Variants in CNTN4 observed in about 807,000 individuals in gnomAD.
CNTN4 encodes the protein contactin 4.
Under a neutral mutation model 122.5 loss-of-function variants are expected in CNTN4, and 77 were observed. The ratio of observed to expected loss-of-function variants is 0.63; its 90% CI spans 0.52 to 0.76. The LOEUF is 0.76. Ranked by LOEUF, CNTN4 falls within the 30% of genes least tolerant of loss-of-function variation. CNTN4 has a pLI of 0.00. For synonymous variants in CNTN4, 512 were observed against 447.0 expected, an observed-to-expected ratio of 1.15 and a Z score of -1.83; for missense variants, 1,256 against 1,259.1, an observed-to-expected ratio of 1.00 and a Z score of 0.04.
intron 3 of CNTN4, among the ~76,000 whole-genome samples, chr3:2,525,463 G>A (rs2077368323): frequency 6.6e-6 from 1 of 152,082 alleles, no homozygotes. Flanking sequence ...ATATATATCT[G>A]TGAAAGGCAT....
intron 3 of CNTN4, among the ~76,000 whole-genome samples, chr3:2,353,465 C>T (rs138033788): frequency 1.3e-3 from 203 of 152,158 alleles, no homozygotes; most frequent in African/African-American, 4.5e-3. Flanking sequence ...TAAATCTTGC[C>T]GCTGCTCACT....
chr3:2,103,726 ATT>A (rs750488616), intron 2 of CNTN4, among the ~76,000 whole-genome samples: 1 of 148,858 alleles, frequency 6.7e-6, no homozygotes, highest in East Asian at 1.9e-4. Context: ...TTATTTATCT[ATT>A]TATTTATCTT....
At chr3:2,558,054 A>G (rs1379989659) in intron 3 of CNTN4, among the ~76,000 whole-genome samples, 3 of 152,184 alleles carry the variant, frequency 2.0e-5, no homozygotes, top group African/African-American at 7.2e-5. Context: ...TGATGTAAAA[A>G]CAAAAAGATA....
At chr3:2,405,418 A>T (rs1287759735) in intron 3 of CNTN4, among the ~76,000 whole-genome samples, 1 of 152,160 alleles carries the variant, frequency 6.6e-6, no homozygotes, top group African/African-American at 2.4e-5. Context: ...CTTTGGCACT[A>T]AAAAGTTAGA....
intron 3 of CNTN4, among the ~76,000 whole-genome samples, chr3:2,551,556 G>C (rs2078506628): frequency 6.6e-6 from 1 of 151,982 alleles, no homozygotes; most frequent in South Asian, 2.1e-4. Flanking sequence ...TTAATACTTT[G>C]TAATGATCAT....
chr3:3,005,741 A>AG (rs35683284), intron 14 of CNTN4, among the ~76,000 whole-genome samples: 122,192 of 151,382 alleles, frequency 0.81, 49,524 homozygotes, highest in Middle Eastern at 0.88. Context: ...TCCATTCATG[A>AG]GGGATCTACC....
intron 4 of CNTN4, among the ~76,000 whole-genome samples, chr3:2,678,000 T>C (rs2084964110): frequency 6.6e-6 from 1 of 152,132 alleles, no homozygotes; most frequent in South Asian, 2.1e-4. Flanking sequence ...TGCGGACCAA[T>C]GTGTTTTCCT....
At chr3:2,753,120 C>T (rs1488076099) in intron 6 of CNTN4, among the ~76,000 whole-genome samples, 1 of 152,028 alleles carries the variant, frequency 6.6e-6, no homozygotes, top group East Asian at 1.9e-4. Flanking sequence ...GATTTCCTTT[C>T]TTTTGAATAT....
At chr3:2,677,897 C>T (rs906287577) in intron 4 of CNTN4, among the ~76,000 whole-genome samples, 1 of 152,074 alleles carries the variant, frequency 6.6e-6, no homozygotes, top group Non-Finnish European at 1.5e-5. Flanking sequence ...GTATTTTACA[C>T]TACGGAAATG....
chr3:2,451,801 TTTAAA>T (rs1473620942), intron 3 of CNTN4, among the ~76,000 whole-genome samples: 1 of 152,162 alleles, frequency 6.6e-6, no homozygotes, highest in African/African-American at 2.4e-5. Flanking sequence ...CAGTAAATCC[TTTAAA>T]TTAATAGAAA....
chr3:2,776,875 G>A (rs2091342324), intron 6 of CNTN4, among the ~76,000 whole-genome samples: 1 of 152,116 alleles, frequency 6.6e-6, no homozygotes, highest in African/African-American at 2.4e-5. Flanking sequence ...TGTATCTTAG[G>A]TATACGATGC....
At chr3:2,129,504 C>T (rs2034350577) in intron 2 of CNTN4, among the ~76,000 whole-genome samples, 1 of 151,904 alleles carries the variant, frequency 6.6e-6, no homozygotes, top group African/African-American at 2.4e-5. Context: ...AGCATACATG[C>T]AAAGAGGGCA....
intron 3 of CNTN4, among the ~76,000 whole-genome samples, chr3:2,566,200 C>T (rs2079151913): frequency 1.3e-5 from 2 of 152,300 alleles, no homozygotes; most frequent in African/African-American, 4.8e-5. Flanking sequence ...AGGATGTTAT[C>T]TCACACTTGA....
At chr3:2,384,214 G>A (rs17013553) in intron 3 of CNTN4, among the ~76,000 whole-genome samples, 1 of 152,058 alleles carries the variant, frequency 6.6e-6, no homozygotes, top group Admixed American at 6.6e-5. Context: ...TCATTAATAT[G>A]TTGTTGTACA....
chr3:2,430,629 A>G (rs1011284352), intron 3 of CNTN4, among the ~76,000 whole-genome samples: 4 of 151,430 alleles, frequency 2.6e-5, no homozygotes, highest in Non-Finnish European at 5.9e-5. Context: ...AAAAAAAAAA[A>G]AAAAAAAATT....
At chr3:2,350,651 C>T (rs1002522219) in intron 3 of CNTN4, among the ~76,000 whole-genome samples, 4 of 152,042 alleles carry the variant, frequency 2.6e-5, no homozygotes, top group African/African-American at 9.7e-5. Context: ...GCCTAAATAC[C>T]TTGTAATGTC....
intron 13 of CNTN4, among the ~76,000 whole-genome samples, chr3:2,939,231 A>G (rs543767705): frequency 2.0e-5 from 3 of 152,192 alleles, no homozygotes; most frequent in Non-Finnish European, 2.9e-5. Context: ...CAAATGATCT[A>G]ATTAGAGCAA....
chr3:2,281,394 C>T (rs994696819), intron 2 of CNTN4, among the ~76,000 whole-genome samples: 6 of 152,056 alleles, frequency 3.9e-5, no homozygotes, highest in Non-Finnish European at 7.4e-5. Flanking sequence ...GCTTGTTAGT[C>T]CCCATGGCCT....
intron 3 of CNTN4, among the ~76,000 whole-genome samples, chr3:2,448,156 C>T (rs2048692279): frequency 6.6e-6 from 1 of 152,040 alleles, no homozygotes; most frequent in Non-Finnish European, 1.5e-5. Context: ...ATGAGGTGAG[C>T]GTAGCCAAGC....
Sources: allele counts gnomAD v4.1 joint callset (sites outside exome capture counted in the v4.1 genomes callset), GRCh38; gene constraint gnomAD v4.1.1; transcripts MANE v1.5; gene names NCBI Gene and HGNC (gene_info 2026-07-23, HGNC 2026-07-21).